Variants in R3HDM4 observed in about 807,000 individuals in gnomAD.
The protein encoded by R3HDM4 is R3H domain-containing protein 4.
In R3HDM4, 30 loss-of-function variants were observed where a neutral mutation model predicts 31.3. That is an observed-to-expected ratio of 0.96 (90% confidence interval 0.72 to 1.30). The LOEUF (loss-of-function observed/expected upper bound fraction) is 1.30. Among genes scored for constraint, R3HDM4 ranks in the 50% most tolerant of loss-of-function variants. The pLI is 0.00. For synonymous variants in R3HDM4, 196 were observed against 156.6 expected (o/e 1.25, Z -1.88); for missense variants, 444 against 366.1 (o/e 1.21, Z -1.74).
intron 3 of R3HDM4, chr19:901,159 G>T: frequency 1.5e-6 from 1 of 687,102 alleles, no homozygotes; most frequent in Non-Finnish European, 2.4e-6. Flanking sequence ...CTCGGGGTGG[G>T]GGGGATTGAG....
intron 4 of R3HDM4, 99 bp from the exon 5 acceptor site, chr19:900,245 T>C (rs2036809806): frequency 1.1e-6 from 1 of 906,460 alleles, no homozygotes; most frequent in African/African-American, 1.7e-5. Flanking sequence ...CGCCCATCTG[T>C]GCCTTGGCCT....
Position 913,209 on chromosome 19 carries a change from G to C in R3HDM4, c.-52C>G. On this transcript the variant is annotated 5_prime_UTR_variant, in exon 1 of 8. Transcript: ENST00000361574. This position sits in a 1 kb window ranked among gnomAD's most constrained non-coding sequence, Gnocchi z 5.0. ...CGCCCGGCAGGGCCTTCACCGGGCC[G>C]GGCAGGAAGTGACGGGCGCCCGGAG... 1 of 1,050,814 alleles carries C rather than the reference G, an allele frequency of 9.5e-7. No individual in the cohort carries two copies. The highest frequency in any genetic ancestry group is 1.1e-6 in the Non-Finnish European group (1 of 873,412). The allele number at this position is 1,050,814 out of a possible 1,614,324, so 65.1% of individuals were successfully genotyped here. A position where few individuals can be genotyped will look rare whatever the true frequency, so the allele number is the denominator to read the frequency against.
At position 897,360 on chromosome 19, in the gene R3HDM4, G is replaced by C. The variant is rs1172199364; in HGVS notation, c.*77C>G. Reference sequence around the variant, plus strand: ...TTCCGAGGACAAATTCTAAAAATATGAAAGATATTTTAGCCGAAGGTATCG... The same window carrying C: ...TTCCGAGGACAAATTCTAAAAATATCAAAGATATTTTAGCCGAAGGTATCG... On this transcript the variant is annotated 3_prime_UTR_variant, in exon 8 of 8. Coordinates refer to ENST00000361574, the MANE Select transcript of R3HDM4 (RefSeq NM_138774.4). 7.3e-6 allele frequency: 8 copies of C among 1,096,208 alleles called. No homozygotes were observed. Among genetic ancestry groups the C allele is most frequent in the African/African-American group, 1.6e-5 (1 of 62,292 alleles). 67.9% of individuals were successfully genotyped at this position (1,096,208 alleles called of 1,614,324 possible).
At chr19:912,971 CGAAGGGAACGAGGGGAGG>C in intron 1 of R3HDM4, 98 bp downstream of exon 1, 1 of 284,714 alleles carries the variant, frequency 3.5e-6, no homozygotes, top group Non-Finnish European at 5.1e-6. Flanking sequence ...GCGAGGGGAA[CGAAGGGAACGAGGGGAGG>C]GAAGGGAAAG....
In R3HDM4 at chr19:899,968, G is replaced by C; in HGVS notation, c.561+93C>G. On this transcript the variant is annotated intron_variant, in intron 5 of 7. Coordinates refer to ENST00000361574, the MANE Select transcript of R3HDM4 (RefSeq NM_138774.4). This position sits in a 1 kb window ranked among gnomAD's most constrained non-coding sequence, Gnocchi z 6.8. ...TATCCTGCCCTGTTTCCCCTGACACGACCTGCACCGGGTGAGAACCTGTGC... is the reference window on the plus strand; with the variant it reads ...TATCCTGCCCTGTTTCCCCTGACACCACCTGCACCGGGTGAGAACCTGTGC... 1.5e-6 allele frequency: 2 copies of C among 1,310,704 alleles called. No individual in the cohort carries two copies. Among genetic ancestry groups the C allele is most frequent in the Non-Finnish European group, 2.2e-6 (2 of 912,876 alleles). 81.2% of individuals were successfully genotyped at this position (1,310,704 alleles called of 1,614,324 possible). A position where few individuals can be genotyped will look rare whatever the true frequency, so the allele number is the denominator to read the frequency against.
chr19:898,999 G>A (rs970376464), intron 7 of R3HDM4, among the ~76,000 whole-genome samples: 1 of 152,174 alleles, frequency 6.6e-6, no homozygotes, highest in South Asian at 2.1e-4. Flanking sequence ...CTGAGACTGC[G>A]CCCCGTTGGA....
In R3HDM4 at chr19:902,084, T is replaced by C; in HGVS notation, c.118A>G (p.Arg40Gly). ...LPALASSQVK[R>G]LSASRRKQHF... The stretch of plus-strand genomic sequence containing the variant: ...TGTTTCCGCCTGGAAGCCGAGAGTC[T>C]CTTCACCTGGGAGCTGGCTAGGGCA... The change falls in exon 2 of 8, where the codon AGA (arginine) becomes GGA (glycine). Residue 40 changes from arginine to glycine, a missense_variant. Coordinates refer to ENST00000361574, the MANE Select transcript of R3HDM4 (RefSeq NM_138774.4). The C allele has an allele frequency of 6.2e-7, 1 of 1,613,824 alleles. No homozygotes were observed.
chr19:906,584 TCA>T (rs1376644254), intron 1 of R3HDM4, among the ~76,000 whole-genome samples: 2 of 152,060 alleles, frequency 1.3e-5, no homozygotes, highest in Non-Finnish European at 2.9e-5. Flanking sequence ...GGAGGGGTAC[TCA>T]GAGCCAAAAG....
intron 1 of R3HDM4, among the ~76,000 whole-genome samples, chr19:910,114 T>C (rs1030948357): frequency 8.6e-5 from 13 of 150,398 alleles, no homozygotes; most frequent in African/African-American, 3.2e-4. Context: ...TCACCTGAGG[T>C]TGGGAGTTCG....
chr19:905,517 A>C (rs560054773), intron 1 of R3HDM4, among the ~76,000 whole-genome samples: 11 of 149,642 alleles, frequency 7.4e-5, no homozygotes, highest in East Asian at 2.0e-4. Context: ...AAAAAAAAAA[A>C]AAAAACAAAA....
intron 1 of R3HDM4, among the ~76,000 whole-genome samples, chr19:909,695 C>T (rs1292085905): frequency 6.6e-6 from 1 of 151,956 alleles, no homozygotes; most frequent in Non-Finnish European, 1.5e-5. Context: ...ACTCAGGAGG[C>T]TGAGGCAGGA....
At position 899,993 on chromosome 19, in the gene R3HDM4, C is replaced by T; in HGVS notation, c.561+68G>A. On this transcript the variant is annotated intron_variant, in intron 5 of 7. Transcript: ENST00000361574. The surrounding 1 kb of genome is among the most constrained non-coding windows in gnomAD (Gnocchi z 6.8). Reference sequence around the variant, plus strand: ...GACCTGCACCGGGTGAGAACCTGTGCCTGGGAAACGGGCCTTCAAAAAAGA... The same window carrying T: ...GACCTGCACCGGGTGAGAACCTGTGTCTGGGAAACGGGCCTTCAAAAAAGA... The T allele has an allele frequency of 7.4e-6, 11 of 1,478,758 alleles. No individual in the cohort carries two copies. The highest frequency in any genetic ancestry group is 3.4e-5 in the Admixed American group (2 of 59,098). The allele number at this position is 1,478,758 out of a possible 1,614,324, so 91.6% of individuals were successfully genotyped here.
At chr19:900,806 A>ACCCCCCCCCCCCCCCC in intron 4 of R3HDM4, 23 bp downstream of exon 4, 2 of 1,179,842 alleles carry the variant, frequency 1.7e-6, no homozygotes, top group Non-Finnish European at 2.2e-6. Context: ...CCCCACCCAT[A>ACCCCCCCCCCCCCCCC]CCCGCCCCAG....
intron 7 of R3HDM4, among the ~76,000 whole-genome samples, chr19:898,902 G>A (rs762063599): frequency 4.6e-5 from 7 of 152,160 alleles, no homozygotes; most frequent in Admixed American, 6.5e-5. Flanking sequence ...CAGGCGGGGC[G>A]GCAGAGACAG....
At position 913,116 on chromosome 19, in the gene R3HDM4, C is replaced by T. The variant is rs964558824; in HGVS notation, c.42G>A (p.Ala14=). The change falls in exon 1 of 8, where the codon GCG becomes GCA. Residue 14 remains alanine, a synonymous_variant. Transcript: ENST00000361574. This position sits in a 1 kb window ranked among gnomAD's most constrained non-coding sequence, Gnocchi z 5.0. The part of the protein sequence containing the change: ...LENPECGPEA[A]EGTPGGRRLL... ...GCCGCCGCCCGCCCGGGGTGCCCTC[C>T]GCCGCCTCCGGGCCGCACTCGGGGT... 17 of 1,082,644 alleles carry T rather than the reference C, an allele frequency of 1.6e-5. No individual in the cohort carries two copies. The African/African-American group carries it at 2.7e-4, about 17-fold the overall frequency. 67.1% of individuals were successfully genotyped at this position (1,082,644 alleles called of 1,614,324 possible). A position where few individuals can be genotyped will look rare whatever the true frequency, so the allele number is the denominator to read the frequency against.
At chr19:903,510 G>C (rs1033833335) in intron 1 of R3HDM4, among the ~76,000 whole-genome samples, 3 of 152,130 alleles carry the variant, frequency 2.0e-5, no homozygotes, top group African/African-American at 4.8e-5. Flanking sequence ...GCGGCGTTTG[G>C]GGGGAGGTAG....
chr19:905,977 G>A (rs1402985261), intron 1 of R3HDM4, among the ~76,000 whole-genome samples: 4 of 152,064 alleles, frequency 2.6e-5, no homozygotes, highest in Admixed American at 2.6e-4. Flanking sequence ...GGCAGGTCCT[G>A]GAATCTCAGC....
intron 3 of R3HDM4, 186 bp from the exon 4 acceptor site, chr19:901,138 G>A (rs2036831211): frequency 2.5e-6 from 2 of 784,410 alleles, no homozygotes; most frequent in African/African-American, 3.5e-5. Context: ...AACCGGGGTG[G>A]GCCCAGCTGT....
Position 912,942 on chromosome 19 carries a change from C to T in R3HDM4, c.71+145G>A, listed in dbSNP as rs1362276968. On this transcript the variant is annotated intron_variant, in intron 1 of 7. Transcript: ENST00000361574. ...GGGAAGGCAGGACAGGCTGAAGCCC[C>T]GGAAGATGAGCAACGGGAGCGAGGG... is the stretch of plus-strand genomic sequence containing the variant. 2.8e-5 allele frequency: 6 copies of T among 217,766 alleles called. No homozygotes were observed. In the South Asian group the frequency reaches 6.2e-4, roughly 23 times the overall value. 13.5% of individuals were successfully genotyped at this position (217,766 alleles called of 1,614,324 possible). A position where few individuals can be genotyped will look rare whatever the true frequency, so the allele number is the denominator to read the frequency against.
Sources: gnomAD v4.1 joint callset for allele counts (sites outside exome capture counted in the v4.1 genomes callset) on GRCh38, gnomAD v4.1.1 for gene constraint, Gnocchi (gnomAD v3.1) non-coding constraint, MANE v1.5 for transcripts, NCBI Gene and HGNC (gene_info 2026-07-23, HGNC 2026-07-21) for gene names.